Variants in USP7 observed in about 807,000 individuals in gnomAD.
USP7 encodes the protein ubiquitin C-terminal hydrolase 7.
Under a neutral mutation model 162.9 loss-of-function variants are expected in USP7, and 9 were observed. That is an observed-to-expected ratio of 0.06 (90% CI 0.03 to 0.10). The LOEUF (loss-of-function observed/expected upper bound fraction) is 0.10. Ranked by LOEUF, USP7 falls within the 10% of genes least tolerant of loss-of-function variation. The probability of loss-of-function intolerance (pLI) is 1.00; values close to 1 mark genes in which losing one functional copy is unlikely to be tolerated. For missense variants in USP7, 715 were observed against 1,373.7 expected (o/e 0.52, Z 7.58); for synonymous variants, 562 against 475.9 (o/e 1.18, Z -2.35).
intron 1 of USP7, among the ~76,000 whole-genome samples, chr16:8,946,818 A>G (rs1021338565): frequency 4.6e-5 from 7 of 152,372 alleles, no homozygotes; most frequent in Admixed American, 3.3e-4. Context: ...GGCGTTTCCA[A>G]CAACGCCAAT....
chr16:8,918,504 T>A (rs1567223300), intron 6 of USP7, among the ~76,000 whole-genome samples: 1 of 152,198 alleles, frequency 6.6e-6, no homozygotes, highest in African/African-American at 2.4e-5. Context: ...CTAACACAAT[T>A]TTAAGTCTGC....
intron 1 of USP7, among the ~76,000 whole-genome samples, chr16:8,941,873 T>TCCTGGTCA (rs1271678211): frequency 6.6e-6 from 1 of 152,192 alleles, no homozygotes; most frequent in Non-Finnish European, 1.5e-5. Context: ...CCTCCTGGTC[T>TCCTGGTCA]CCTGGTGCTC....
intron 1 of USP7, among the ~76,000 whole-genome samples, chr16:8,941,027 A>G (rs1899022870): frequency 6.6e-6 from 1 of 152,146 alleles, no homozygotes; most frequent in Admixed American, 6.5e-5. Context: ...TCAGGGACTC[A>G]AGGTTCACCT....
chr16:8,901,934 T>G, intron 18 of USP7, 148 bp downstream of exon 18: 1 of 700,218 alleles, frequency 1.4e-6, no homozygotes, highest in Non-Finnish European at 2.4e-6. Flanking sequence ...CTTATTTGAC[T>G]TCATCAGGAA....
intron 7 of USP7, 123 bp downstream of exon 7, chr16:8,916,903 A>T: frequency 8.7e-7 from 1 of 1,148,682 alleles, no homozygotes; most frequent in Non-Finnish European, 1.2e-6. Context: ...TTAAATGCTC[A>T]AGCCTCCCTA....
chr16:8,920,650 TCAGAGGTATCC>T (rs2141210492), intron 4 of USP7, among the ~76,000 whole-genome samples: 1 of 152,324 alleles, frequency 6.6e-6, no homozygotes, highest in African/African-American at 2.4e-5. Flanking sequence ...GCTTGGCACC[TCAGAGGTATCC>T]CAGAGGTACC....
At chr16:8,958,026 C>CT (rs1899879782) in intron 1 of USP7, among the ~76,000 whole-genome samples, 1 of 152,206 alleles carries the variant, frequency 6.6e-6, no homozygotes, top group Admixed American at 6.5e-5. Context: ...CAGCCATCTC[C>CT]TGCATTACTG....
Position 8,895,157 on chromosome 16 carries a change from A to G in USP7, c.2920-7T>C, listed in dbSNP as rs1232369144. On this transcript the variant is annotated splice_polypyrimidine_tract_variant and splice_region_variant and intron_variant, in intron 27 of 30. Transcript: ENST00000344836. ...CCTGGTCCAAAGGGATTTCCTGGGG[A>G]CACGGACAACAGACACAGTTCTGTA... The G allele has an allele frequency of 1.2e-6, 2 of 1,614,192 alleles. No individual in the cohort carries two copies. Among genetic ancestry groups the G allele is most frequent in the South Asian group, 2.2e-5 (2 of 91,082 alleles).
chr16:8,916,432 T>C (rs1897372442), intron 8 of USP7, 70 bp downstream of exon 8: 2 of 1,489,250 alleles, frequency 1.3e-6, no homozygotes, highest in South Asian at 1.3e-5. Flanking sequence ...AGGTTTTACT[T>C]GGTAATAACT....
chr16:8,941,449 G>A lies in USP7; in HGVS notation c.80-11052C>T, dbSNP rs79464581. On this transcript the variant is annotated intron_variant, in intron 1 of 30. Coordinates refer to ENST00000344836, the MANE Select transcript of USP7 (RefSeq NM_003470.3). ...CTTTTCCAGACAGGAAGGACCTGAG[G>A]GGTAAAGGCACGTATCTCCAGCCGC... is the stretch of plus-strand genomic sequence containing the variant. Among the ~76,000 whole-genome samples the A allele has an allele frequency of 7.6e-3, 1,164 of 152,262 alleles. 13 individuals are homozygous for A. Among genetic ancestry groups the A allele is most frequent in the Middle Eastern group, 0.048 (14 of 294 alleles).
chr16:8,915,130 G>A, intron 10 of USP7, 124 bp downstream of exon 10: 2 of 923,936 alleles, frequency 2.2e-6, no homozygotes, highest in Non-Finnish European at 3.2e-6. Flanking sequence ...TGAGCTGTTT[G>A]CTTAAGATCT....
chr16:8,933,391 C>A (rs201904430), intron 1 of USP7, among the ~76,000 whole-genome samples: 2 of 151,946 alleles, frequency 1.3e-5, no homozygotes, highest in African/African-American at 4.8e-5. Flanking sequence ...CTATTAAAAA[C>A]AAAAAAATTC....
chr16:8,952,228 C>A (rs1899586763), intron 1 of USP7, among the ~76,000 whole-genome samples: 1 of 152,090 alleles, frequency 6.6e-6, no homozygotes, highest in African/African-American at 2.4e-5. Flanking sequence ...CCAGCCTGGG[C>A]ACGAGGGAGA....
intron 1 of USP7, among the ~76,000 whole-genome samples, chr16:8,949,306 TG>T (rs1899441518): frequency 6.6e-6 from 1 of 152,250 alleles, no homozygotes; most frequent in East Asian, 1.9e-4. Context: ...CACGTTCCAC[TG>T]GGATTGAAAC....
At chr16:8,914,558 G>C (rs963768821) in intron 10 of USP7, among the ~76,000 whole-genome samples, 2 of 152,130 alleles carry the variant, frequency 1.3e-5, no homozygotes, top group African/African-American at 4.8e-5. Flanking sequence ...ATACTATAAA[G>C]CAACAAAAAT....
At chr16:8,905,096 G>A in intron 14 of USP7, 91 bp downstream of exon 14, 14 of 1,487,206 alleles carry the variant, frequency 9.4e-6, no homozygotes, top group Non-Finnish European at 1.0e-5. Flanking sequence ...AGCATAAAAT[G>A]TGTTTGGACA....
chr16:8,918,736 G>A (rs1897515273), intron 6 of USP7, among the ~76,000 whole-genome samples: 1 of 152,214 alleles, frequency 6.6e-6, no homozygotes, highest in South Asian at 2.1e-4. Context: ...TTGAACCCAG[G>A]AGACAGAGGC....
intron 10 of USP7, among the ~76,000 whole-genome samples, chr16:8,913,912 CT>C (rs2061990415): frequency 6.6e-6 from 1 of 151,736 alleles, no homozygotes; most frequent in South Asian, 2.1e-4. Flanking sequence ...CCACGCCCAG[CT>C]AATTTGTAGA....
intron 1 of USP7, among the ~76,000 whole-genome samples, chr16:8,940,807 G>A (rs1330464856): frequency 6.6e-6 from 1 of 152,150 alleles, no homozygotes; most frequent in Non-Finnish European, 1.5e-5. Context: ...AGCCGGACAT[G>A]GTGGCGCACA....
Sources: allele counts gnomAD v4.1 joint callset (sites outside exome capture counted in the v4.1 genomes callset), GRCh38; gene constraint gnomAD v4.1.1; transcripts MANE v1.5; gene names NCBI Gene and HGNC (gene_info 2026-07-23, HGNC 2026-07-21).